The following ARHGAP32 variants were observed in gnomAD, a reference collection of about 807,000 sequenced individuals.
ARHGAP32 encodes rho GTPase-activating protein 32.
Under a neutral mutation model 186.5 loss-of-function variants are expected in ARHGAP32, and 51 were observed. The ratio of observed to expected loss-of-function variants is 0.27; its 90% CI spans 0.22 to 0.35. The LOEUF (loss-of-function observed/expected upper bound fraction) is 0.35, where lower values mean the gene tolerates loss of function less well. Ranked by LOEUF, ARHGAP32 falls within the 10% of genes least tolerant of loss-of-function variation. The probability of loss-of-function intolerance (pLI) is 1.00; values close to 1 mark genes in which losing one functional copy is unlikely to be tolerated. For synonymous variants in ARHGAP32, 950 were observed against 964.3 expected (o/e 0.99, Z 0.27); for missense variants, 2,186 against 2,623.5 (o/e 0.83, Z 3.64).
intron 1 of ARHGAP32, among the ~76,000 whole-genome samples, chr11:129,218,958 T>A (rs10893997): frequency 0.2 from 29,986 of 152,004 alleles, 3,130 homozygotes; most frequent in Non-Finnish European, 0.23. Context: ...GTTGAACAGA[T>A]GAACTTCACT....
chr11:129,241,728 G>A (rs149602374), intron 1 of ARHGAP32, among the ~76,000 whole-genome samples: 340 of 152,284 alleles, frequency 2.2e-3, no homozygotes, highest in Non-Finnish European at 4.2e-3. Flanking sequence ...TTCTCACACA[G>A]AAGCCCTTCG....
intron 1 of ARHGAP32, among the ~76,000 whole-genome samples, chr11:129,243,442 G>C (rs979555544): frequency 6.6e-6 from 1 of 151,996 alleles, no homozygotes; most frequent in African/African-American, 2.4e-5. Flanking sequence ...CATAAAACAT[G>C]GCAAAGAACA....
At chr11:129,075,752 G>A (rs1049961287) in intron 6 of ARHGAP32, among the ~76,000 whole-genome samples, 2 of 152,016 alleles carry the variant, frequency 1.3e-5, no homozygotes, top group Non-Finnish European at 2.9e-5. Context: ...CCACATTCTG[G>A]GGCATAAAAC....
At chr11:128,990,150 CTCTTCGTATAGAAAAAAT>C (rs1371419945) in intron 12 of ARHGAP32, among the ~76,000 whole-genome samples, 1 of 152,192 alleles carries the variant, frequency 6.6e-6, no homozygotes, top group Non-Finnish European at 1.5e-5. Context: ...TCCCATAACG[CTCTTCGTATAGAAAAAAT>C]TCTTGGCTAT....
chr11:129,078,574 C>A (rs1194066185), intron 6 of ARHGAP32, among the ~76,000 whole-genome samples: 1 of 152,160 alleles, frequency 6.6e-6, no homozygotes, highest in Non-Finnish European at 1.5e-5. Flanking sequence ...CTCACTGCAA[C>A]CTCCGCCTCC....
In ARHGAP32 at chr11:129,164,358, AGGGTGT is replaced by A. The variant is rs1445330699; in HGVS notation, c.180_185del (p.His61_Pro62del). The A allele has an allele frequency of 6.3e-7, 1 of 1,583,796 alleles. No individual in the cohort carries two copies. The highest frequency in any genetic ancestry group is 8.6e-7 in the Non-Finnish European group (1 of 1,163,472). ...TTTCTTCCCAATCAGGCCGCTCTCG[AGGGTGT>A]ACATTTCTATGTAGCTCTGGAACAA... is the stretch of plus-strand genomic sequence containing the variant. On this transcript the variant is annotated inframe_deletion, in exon 2 of 23. Transcript: ENST00000682385.
chr11:129,048,119 CT>C (rs1257585328), intron 10 of ARHGAP32, among the ~76,000 whole-genome samples: 1 of 151,880 alleles, frequency 6.6e-6, no homozygotes, highest in African/African-American at 2.4e-5. Flanking sequence ...AACATTGCTT[CT>C]GGTTTCTTTG....
intron 3 of ARHGAP32, 44 bp downstream of exon 3, chr11:129,124,759 A>G: frequency 7.1e-7 from 1 of 1,409,514 alleles, no homozygotes; most frequent in East Asian, 2.3e-5. Context: ...ACTGATTTCC[A>G]TTCGTAGGAA....
At chr11:129,205,049 T>A (rs1944499545) in intron 1 of ARHGAP32, among the ~76,000 whole-genome samples, 1 of 152,126 alleles carries the variant, frequency 6.6e-6, no homozygotes, top group Non-Finnish European at 1.5e-5. Flanking sequence ...GAATAAAATA[T>A]AACAGGGAAG....
At chr11:129,138,308 A>G (rs1279725686) in intron 2 of ARHGAP32, among the ~76,000 whole-genome samples, 1 of 113,304 alleles carries the variant, frequency 8.8e-6, no homozygotes, top group Non-Finnish European at 1.9e-5. Flanking sequence ...AAAAAAAAAA[A>G]AAAAAAAGAA....
chr11:129,242,066 T>C (rs1945025726), intron 1 of ARHGAP32, among the ~76,000 whole-genome samples: 1 of 152,218 alleles, frequency 6.6e-6, no homozygotes, highest in South Asian at 2.1e-4. Flanking sequence ...TATTGCTTTT[T>C]AAAATTATGT....
intron 1 of ARHGAP32, among the ~76,000 whole-genome samples, chr11:129,221,763 G>T (rs1214581826): frequency 6.6e-6 from 1 of 151,924 alleles, no homozygotes; most frequent in African/African-American, 2.4e-5. Context: ...TGTGGGCTAT[G>T]ATCACACCCC....
chr11:129,047,991 T>C (rs1435415045), intron 10 of ARHGAP32, among the ~76,000 whole-genome samples: 1 of 152,206 alleles, frequency 6.6e-6, no homozygotes, highest in East Asian at 1.9e-4. Context: ...CCTCAGGTCC[T>C]TACTTTTTAG....
chr11:129,195,276 G>A (rs917171033), upstream of ARHGAP32, among the ~76,000 whole-genome samples: 26 of 151,844 alleles, frequency 1.7e-4, no homozygotes, highest in East Asian at 1.9e-4. Context: ...TACTGTGCCC[G>A]GCCTCAAAGC....
At chr11:129,108,011 T>C (rs1467893949) in intron 5 of ARHGAP32, among the ~76,000 whole-genome samples, 1 of 151,586 alleles carries the variant, frequency 6.6e-6, no homozygotes, top group African/African-American at 2.4e-5. Flanking sequence ...ATATAAAATA[T>C]ACAGAGGAAA....
rs571657692 is a variant in ARHGAP32 at position 129,094,963 on chromosome 11, AAATGT to A, written c.445-1261_445-1257del. On this transcript the variant is annotated intron_variant, in intron 5 of 22. Coordinates refer to ENST00000682385, the MANE Select transcript of ARHGAP32 (RefSeq NM_001378024.1). ...TCCACCCAGGTAACTAATACTTAAT[AAATGT>A]AATGTACCATTATAATTCATACTAT... 4.0e-3 allele frequency among the ~76,000 whole-genome samples: 613 copies of A among 152,338 alleles called. 2 individuals are homozygous for A. The highest frequency in any genetic ancestry group is 0.013 in the African/African-American group (550 of 41,590).
chr11:129,157,742 A>G (rs1317336976), intron 2 of ARHGAP32, among the ~76,000 whole-genome samples: 1 of 152,112 alleles, frequency 6.6e-6, no homozygotes, highest in African/African-American at 2.4e-5. Flanking sequence ...CCACAAAGAT[A>G]CTCCTCGAGA....
Position 129,208,112 on chromosome 11 carries a change from T to G in ARHGAP32, c.-4-43685A>C, listed in dbSNP as rs551717287. Among the ~76,000 whole-genome samples the G allele has an allele frequency of 3.3e-5, 5 of 152,284 alleles. No individual in the cohort carries two copies. In the East Asian group the frequency reaches 9.7e-4, roughly 29 times the overall value. On this transcript the variant is annotated intron_variant, in intron 1 of 6. Coordinates refer to the ARHGAP32 transcript ENST00000525234. ...TTTTAAAAGAATAATATAAAAGCTA[T>G]GTGAACTTCGAAATATCCTTAAAGT...
intron 2 of ARHGAP32, among the ~76,000 whole-genome samples, chr11:129,131,722 C>T (rs1378106196): frequency 1.3e-5 from 2 of 152,154 alleles, no homozygotes; most frequent in African/African-American, 4.8e-5. Context: ...GATGGGCCCA[C>T]AAATCCAAAC....
Sources: allele counts gnomAD v4.1 joint callset (sites outside exome capture counted in the v4.1 genomes callset), GRCh38; gene constraint gnomAD v4.1.1; transcripts MANE v1.5; gene names NCBI Gene and HGNC (gene_info 2026-07-23, HGNC 2026-07-21).